Variants in ZNF717 observed in about 807,000 individuals in gnomAD.
ZNF717 encodes the protein zinc finger protein 717, also known as krueppel-like factor X17.
A neutral mutation model predicts 13.8 loss-of-function variants in ZNF717; 9 were observed. That is an observed-to-expected ratio of 0.65 (90% CI 0.39 to 1.14). The LOEUF (loss-of-function observed/expected upper bound fraction) is 1.14. Among genes scored for constraint, ZNF717 ranks in the 50% most tolerant of loss-of-function variants. The pLI is 0.01. For synonymous variants in ZNF717, 327 were observed against 364.1 expected, an observed-to-expected ratio of 0.90 and a Z score of 1.16; for missense variants, 1,040 against 1,080.7, an observed-to-expected ratio of 0.96 and a Z score of 0.53.
At chr3:75,773,241 G>A (rs961044114) in intron 2 of ZNF717, among the ~76,000 whole-genome samples, 121 of 152,370 alleles carry the variant, frequency 7.9e-4, no homozygotes, top group African/African-American at 2.6e-3. Context: ...GAACCTAGGA[G>A]TAAAGCCAAT....
chr3:75,765,009 A>ATGTGTG (rs1559661694), intron 2 of ZNF717, among the ~76,000 whole-genome samples: 2 of 27,208 alleles, frequency 7.4e-5, no homozygotes, highest in Admixed American at 3.6e-4. Context: ...ATATATATAT[A>ATGTGTG]TATATATATA....
At chr3:75,783,008 T>C (rs754762244) in intron 2 of ZNF717, among the ~76,000 whole-genome samples, 1 of 152,254 alleles carries the variant, frequency 6.6e-6, no homozygotes, top group Non-Finnish European at 1.5e-5. Flanking sequence ...GCACACAAGC[T>C]TTCCTGTCCC....
chr3:75,717,594 T>C (rs1938082020), intron 4 of ZNF717, among the ~76,000 whole-genome samples: 1 of 152,102 alleles, frequency 6.6e-6, no homozygotes, highest in Admixed American at 6.5e-5. Context: ...ACATTGACTC[T>C]CCACAATGAT....
chr3:75,726,737 G>C (rs1938287362), downstream of ZNF717, among the ~76,000 whole-genome samples: 1 of 152,236 alleles, frequency 6.6e-6, no homozygotes, highest in African/African-American at 2.4e-5. Context: ...TTAAATATTT[G>C]ACCTAATTTT....
At chr3:75,743,864 G>A (rs79963736) in intron 2 of ZNF717, among the ~76,000 whole-genome samples, 1 of 152,348 alleles carries the variant, frequency 6.6e-6, no homozygotes, top group Admixed American at 6.5e-5. Context: ...AAGTGACACA[G>A]ACTTGGACAT....
chr3:75,765,391 T>G (rs1291816757), intron 2 of ZNF717, among the ~76,000 whole-genome samples: 3 of 152,148 alleles, frequency 2.0e-5, no homozygotes, highest in Non-Finnish European at 4.4e-5. Flanking sequence ...TCACCAAAAT[T>G]CGAAATAATA....
chr3:75,706,821 C>T (rs113748005), downstream of ZNF717, among the ~76,000 whole-genome samples: 3 of 152,070 alleles, frequency 2.0e-5, no homozygotes, highest in Non-Finnish European at 4.4e-5. Context: ...ATGACTCTGT[C>T]CTGATTCAAT....
chr3:75,746,343 C>T (rs1469857929), intron 2 of ZNF717, among the ~76,000 whole-genome samples: 12 of 152,146 alleles, frequency 7.9e-5, no homozygotes, highest in African/African-American at 2.4e-4. Flanking sequence ...AATAAACTTA[C>T]GTGTGTATGT....
At chr3:75,747,077 C>A (rs1331277388) in intron 2 of ZNF717, among the ~76,000 whole-genome samples, 2 of 152,130 alleles carry the variant, frequency 1.3e-5, no homozygotes, top group Non-Finnish European at 2.9e-5. Flanking sequence ...CAGCTTTCTA[C>A]ATATGGCTAG....
intron 6 of ZNF717, among the ~76,000 whole-genome samples, chr3:75,698,533 C>T (rs74742726): frequency 0.049 from 5,158 of 104,346 alleles, no homozygotes; most frequent in Middle Eastern, 0.081. Context: ...CAAATTGACT[C>T]AGTTACAACT....
chr3:75,762,512 G>A (rs1943122854), intron 2 of ZNF717, among the ~76,000 whole-genome samples: 1 of 151,692 alleles, frequency 6.6e-6, no homozygotes, highest in African/African-American at 2.4e-5. Context: ...TAACCAAGAG[G>A]GCAAAAGATT....
At chr3:75,759,278 AT>A (rs57052931) in intron 2 of ZNF717, among the ~76,000 whole-genome samples, 3,320 of 121,590 alleles carry the variant, frequency 0.027, 97 homozygotes, top group African/African-American at 0.082. Context: ...TGGTCATCTA[AT>A]TTTTTTTTTT....
At chr3:75,696,723 T>A (rs1342096156) in intron 6 of ZNF717, among the ~76,000 whole-genome samples, 8 of 152,298 alleles carry the variant, frequency 5.3e-5, no homozygotes, top group Admixed American at 1.3e-4. Flanking sequence ...CAAAGCCCTG[T>A]CTCTACTAAA....
At chr3:75,784,321 A>C (rs533061282) in intron 1 of ZNF717, among the ~76,000 whole-genome samples, 1 of 152,368 alleles carries the variant, frequency 6.6e-6, no homozygotes, top group African/African-American at 2.4e-5. Context: ...AGTAAGGTTT[A>C]ATTAGTTCCT....
At chr3:75,735,555 G>A (rs147777563), downstream of ZNF717, among the ~76,000 whole-genome samples, 1 of 150,622 alleles carries the variant, frequency 6.6e-6, no homozygotes. Context: ...TGAGGTGGAA[G>A]GATCACTTGA....
chr3:75,761,224 T>C (rs1301137687), intron 2 of ZNF717, among the ~76,000 whole-genome samples: 3 of 152,252 alleles, frequency 2.0e-5, no homozygotes, highest in Non-Finnish European at 4.4e-5. Context: ...GAAGAATTAA[T>C]GCCAATGCTC....
chr3:75,741,514 G>A (rs2107190798), intron 3 of ZNF717, 96 bp downstream of exon 3: 4 of 1,482,762 alleles, frequency 2.7e-6, no homozygotes, highest in Non-Finnish European at 3.7e-6. Flanking sequence ...TCATCAACTG[G>A]AAGCTTACAA....
chr3:75,724,671 A>C (rs1212253565), intron 4 of ZNF717, among the ~76,000 whole-genome samples: 9 of 152,226 alleles, frequency 5.9e-5, no homozygotes, highest in Non-Finnish European at 1.0e-4. Context: ...CATGAAAATA[A>C]AATTGGCATG....
At chr3:75,699,824 CA>C (rs1937649698) in intron 6 of ZNF717, among the ~76,000 whole-genome samples, 1 of 152,310 alleles carries the variant, frequency 6.6e-6, no homozygotes, top group South Asian at 2.1e-4. Context: ...TCAACATATA[CA>C]AATCAGTAGG....
Sources: gnomAD v4.1 joint callset for allele counts (sites outside exome capture counted in the v4.1 genomes callset) on GRCh38, gnomAD v4.1.1 for gene constraint, MANE v1.5 for transcripts, NCBI Gene and HGNC (gene_info 2026-07-23, HGNC 2026-07-21) for gene names.